The following GRIK4 variants were observed in gnomAD, a reference collection of about 807,000 sequenced individuals.
GRIK4 encodes glutamate receptor ionotropic, kainate 4.
GRIK4 carries 40 observed loss-of-function variants against 104.9 expected under a neutral mutation model. That is an observed-to-expected ratio of 0.38 (90% CI 0.30 to 0.50). GRIK4 has a LOEUF of 0.50. GRIK4 is among the 20% of genes least tolerant of loss of function. The pLI is 0.93. For synonymous variants in GRIK4, 485 were observed against 524.9 expected (o/e 0.92, Z 1.04); for missense variants, 1,047 against 1,308.1 (o/e 0.80, Z 3.08).
intron 3 of GRIK4, among the ~76,000 whole-genome samples, chr11:120,709,676 T>A (rs530462904): frequency 3.8e-4 from 58 of 152,324 alleles, no homozygotes; most frequent in Non-Finnish European, 6.9e-4. Context: ...ATTCTATAAG[T>A]GTTTGTTGCA....
intron 1 of GRIK4, chr11:120,620,373 A>G: frequency 1.7e-6 from 1 of 584,126 alleles, no homozygotes; most frequent in Non-Finnish European, 3.1e-6. Context: ...GAGCCACCAC[A>G]GCCTAGTCCC....
chr11:120,849,412 A>G (rs913825118), intron 8 of GRIK4, among the ~76,000 whole-genome samples: 31 of 152,244 alleles, frequency 2.0e-4, no homozygotes, highest in Non-Finnish European at 8.8e-5. Flanking sequence ...CAGAAGTTGC[A>G]TTAATTTAAT....
At chr11:120,588,343 T>C (rs936677516) in intron 1 of GRIK4, among the ~76,000 whole-genome samples, 3 of 152,168 alleles carry the variant, frequency 2.0e-5, no homozygotes, top group Non-Finnish European at 1.5e-5. Flanking sequence ...ACTCCTTTCC[T>C]TTTTGCCTGG....
chr11:120,887,767 C>T (rs948012828), intron 11 of GRIK4, among the ~76,000 whole-genome samples: 1 of 152,148 alleles, frequency 6.6e-6, no homozygotes, highest in African/African-American at 2.4e-5. Flanking sequence ...AAATAATTAC[C>T]TAAATAACTA....
chr11:120,625,953 A>G (rs1949253747), intron 1 of GRIK4, among the ~76,000 whole-genome samples: 1 of 152,164 alleles, frequency 6.6e-6, no homozygotes, highest in Non-Finnish European at 1.5e-5. Flanking sequence ...GGACCTGACC[A>G]ACATTTGAAG....
intron 1 of GRIK4, among the ~76,000 whole-genome samples, chr11:120,544,806 A>G (rs1018830679): frequency 2.0e-5 from 3 of 152,184 alleles, no homozygotes; most frequent in African/African-American, 7.2e-5. Context: ...AAGGAGGGTT[A>G]GAAAGAATCA....
intron 15 of GRIK4, among the ~76,000 whole-genome samples, chr11:120,955,001 C>T (rs774099766): frequency 2.0e-4 from 31 of 152,090 alleles, no homozygotes; most frequent in Non-Finnish European, 4.1e-4. Context: ...ACCAGCTCTA[C>T]TTTTATTTCT....
chr11:120,765,194 A>T (rs1951814005), intron 3 of GRIK4, among the ~76,000 whole-genome samples: 1 of 150,874 alleles, frequency 6.6e-6, no homozygotes, highest in African/African-American at 2.4e-5. Context: ...TTCACACTTT[A>T]TTTCATTAAG....
At chr11:120,577,574 G>GGC (rs1948501946) in intron 1 of GRIK4, among the ~76,000 whole-genome samples, 1 of 152,172 alleles carries the variant, frequency 6.6e-6, no homozygotes, top group Non-Finnish European at 1.5e-5. Flanking sequence ...AGATCATTAA[G>GGC]ATTTAATGGG....
chr11:120,684,003 C>CT (rs1950237888), intron 3 of GRIK4, among the ~76,000 whole-genome samples: 1 of 152,132 alleles, frequency 6.6e-6, no homozygotes, highest in Non-Finnish European at 1.5e-5. Context: ...TCTGGCAAGA[C>CT]TTTTTTTGTT....
At chr11:120,604,149 G>A (rs945914173) in intron 1 of GRIK4, among the ~76,000 whole-genome samples, 3 of 146,416 alleles carry the variant, frequency 2.0e-5, no homozygotes, top group Non-Finnish European at 4.5e-5. Context: ...TCCAGCCTGG[G>A]CGACAGAGCG....
chr11:120,545,473 G>A (rs1948076945), intron 1 of GRIK4, among the ~76,000 whole-genome samples: 1 of 152,200 alleles, frequency 6.6e-6, no homozygotes, highest in African/African-American at 2.4e-5. Context: ...GGCATGGAAT[G>A]AGTAATTGCC....
At chr11:120,652,579 T>A (rs1591770472) in intron 1 of GRIK4, among the ~76,000 whole-genome samples, 1 of 149,670 alleles carries the variant, frequency 6.7e-6, no homozygotes, top group South Asian at 2.2e-4. Context: ...AGTGGGGGAG[T>A]CAGGACAGCA....
chr11:120,778,420 A>G (rs975779228), intron 3 of GRIK4, among the ~76,000 whole-genome samples: 11 of 152,240 alleles, frequency 7.2e-5, no homozygotes, highest in Non-Finnish European at 1.3e-4. Flanking sequence ...CCTTATAGAC[A>G]AGGTGAGATG....
intron 3 of GRIK4, among the ~76,000 whole-genome samples, chr11:120,759,619 A>G (rs1036658759): frequency 6.6e-6 from 1 of 151,838 alleles, no homozygotes; most frequent in South Asian, 2.1e-4. Flanking sequence ...GATTATTGTC[A>G]TGGGGGAATG....
chr11:120,825,682 C>T (rs1219294971), intron 6 of GRIK4, among the ~76,000 whole-genome samples: 1 of 152,242 alleles, frequency 6.6e-6, no homozygotes, highest in African/African-American at 2.4e-5. Flanking sequence ...AGCCAAGCTG[C>T]ACCACCACTT....
intron 1 of GRIK4, among the ~76,000 whole-genome samples, chr11:120,537,399 A>G (rs1947988607): frequency 6.6e-6 from 1 of 152,322 alleles, no homozygotes; most frequent in Non-Finnish European, 1.5e-5. Context: ...AGGAAGCTTC[A>G]AAATCAAATC....
At chr11:120,648,536 G>A (rs1949572849) in intron 1 of GRIK4, among the ~76,000 whole-genome samples, 1 of 152,192 alleles carries the variant, frequency 6.6e-6, no homozygotes, top group Admixed American at 6.5e-5. Flanking sequence ...AGGTCTTGGG[G>A]TGAACTCCCA....
Position 120,718,004 on chromosome 11 carries a change from G to A in GRIK4, c.82+57604G>A, listed in dbSNP as rs565527512. On this transcript the variant is annotated intron_variant, in intron 3 of 20. Coordinates refer to ENST00000527524, the MANE Select transcript of GRIK4 (RefSeq NM_014619.5). Reference sequence around the variant, plus strand: ...AGAGGGCTTGAAAAGATTCCGAAAAGAATTAAGTCAGTGCCATGGTTTTCC... The same window carrying A: ...AGAGGGCTTGAAAAGATTCCGAAAAAAATTAAGTCAGTGCCATGGTTTTCC... 8.5e-5 allele frequency among the ~76,000 whole-genome samples: 13 copies of A among 152,246 alleles called. No homozygotes were observed. The East Asian group carries it at 2.3e-3, about 27-fold the overall frequency.
Sources: gnomAD v4.1 joint callset for allele counts (sites outside exome capture counted in the v4.1 genomes callset) on GRCh38, gnomAD v4.1.1 for gene constraint, MANE v1.5 for transcripts, NCBI Gene and HGNC (gene_info 2026-07-23, HGNC 2026-07-21) for gene names.